Variants in ATOSB observed in about 807,000 individuals in gnomAD.
ATOSB encodes the protein atos homolog protein B.
At chr9:35,108,183 C>A in the ATOSB span, 3 of 1,595,068 alleles carry the variant, frequency 1.9e-6, no homozygotes, top group Non-Finnish European at 2.6e-6. Context: ...CATGAGCAGG[C>A]CACCCTGGAG....
At chr9:35,108,649 C>T in the ATOSB span, 27 of 1,025,702 alleles carry the variant, frequency 2.6e-5, no homozygotes, top group African/African-American at 4.1e-4. Flanking sequence ...ACTGATGCCT[C>T]GTGCCCCTAG....
the ATOSB span, chr9:35,109,292 GT>G: frequency 6.6e-6 from 1 of 152,418 alleles, no homozygotes; most frequent in Non-Finnish European, 1.5e-5. Context: ...CCAGCAGCCT[GT>G]CTCTTTAACA....
At chr9:35,105,001 G>C in the ATOSB span, 1 of 431,000 alleles carries the variant, frequency 2.3e-6, no homozygotes, top group Non-Finnish European at 4.1e-6. This position sits in a 1 kb window ranked among gnomAD's most constrained non-coding sequence, Gnocchi z 5.5. Context: ...AGCTGGCCTG[G>C]GAAACCCAAG....
chr9:35,108,759 T>TA, the ATOSB span: 7 of 925,346 alleles, frequency 7.6e-6, no homozygotes, highest in Non-Finnish European at 9.0e-6. Context: ...AGAACAGACG[T>TA]AAGCCAGGAT....
At chr9:35,105,450 G>C in the ATOSB span, 5 of 1,518,458 alleles carry the variant, frequency 3.3e-6, no homozygotes, top group African/African-American at 5.5e-5. The surrounding 1 kb of genome is among the most constrained non-coding windows in gnomAD (Gnocchi z 5.5). Context: ...CCAGTGCTTT[G>C]GGAGACCCAG....
chr9:35,112,441 C>T, the ATOSB span: 1 of 152,210 alleles, frequency 6.6e-6, no homozygotes, highest in African/African-American at 2.4e-5. Context: ...CCATGACTCA[C>T]AGCTCCCTCA....
the ATOSB span, chr9:35,108,500 A>C: frequency 1.6e-6 from 2 of 1,260,488 alleles, no homozygotes; most frequent in African/African-American, 1.6e-5. Context: ...GACTAATGGA[A>C]TATAGAGACC....
At chr9:35,108,487 A>G in the ATOSB span, 5 of 1,290,936 alleles carry the variant, frequency 3.9e-6, no homozygotes, top group Non-Finnish European at 5.0e-6. Flanking sequence ...AAATCCCTGG[A>G]TGGACTAATG....
the ATOSB span, chr9:35,105,440 C>G: frequency 1.9e-6 from 3 of 1,546,398 alleles, no homozygotes; most frequent in South Asian, 2.4e-5. This position sits in a 1 kb window ranked among gnomAD's most constrained non-coding sequence, Gnocchi z 5.5. Flanking sequence ...GCCTGTAATT[C>G]CAGTGCTTTG....
At chr9:35,108,584 T>C in the ATOSB span, 2 of 1,150,784 alleles carry the variant, frequency 1.7e-6, no homozygotes, top group Non-Finnish European at 2.1e-6. Flanking sequence ...CTCTTCTCCC[T>C]GGTACTTACC....
the ATOSB span, chr9:35,108,197 C>T: frequency 2.6e-5 from 41 of 1,596,576 alleles, no homozygotes; most frequent in Non-Finnish European, 3.2e-5. Flanking sequence ...CCTGGAGGGC[C>T]CCCTGCCTGA....
chr9:35,106,688 G>T, the ATOSB span: 1 of 1,494,444 alleles, frequency 6.7e-7, no homozygotes, highest in Non-Finnish European at 9.1e-7. This position sits in a 1 kb window ranked among gnomAD's most constrained non-coding sequence, Gnocchi z 4.6. Flanking sequence ...GAGGTATTCT[G>T]GGATTCCTGC....
At chr9:35,105,432 C>T in the ATOSB span, 1 of 1,556,204 alleles carries the variant, frequency 6.4e-7, no homozygotes, top group Admixed American at 1.8e-5. This position sits in a 1 kb window ranked among gnomAD's most constrained non-coding sequence, Gnocchi z 5.5. Flanking sequence ...TGGCTCATGC[C>T]TGTAATTCCA....
At chr9:35,107,388 G>C in the ATOSB span, 1 of 1,612,690 alleles carries the variant, frequency 6.2e-7, no homozygotes, top group Non-Finnish European at 8.5e-7. Context: ...TACCAAAACA[G>C]GCTCTTTGGG....
chr9:35,115,052 G>A, the ATOSB span, among the ~76,000 whole-genome samples: 3 of 152,068 alleles, frequency 2.0e-5, no homozygotes, highest in East Asian at 1.9e-4. Context: ...GGGCGGGGGA[G>A]GGGGGAGACA....
the ATOSB span, chr9:35,108,266 G>A: frequency 2.6e-6 from 4 of 1,549,118 alleles, no homozygotes; most frequent in Non-Finnish European, 3.5e-6. Flanking sequence ...CCGCCTGCAC[G>A]TGGCGCATGA....
the ATOSB span, chr9:35,109,388 GC>G: frequency 6.6e-6 from 1 of 152,342 alleles, no homozygotes; most frequent in South Asian, 2.1e-4. Context: ...CTCCCGCAAG[GC>G]CCTGCAAACT....
the ATOSB span, among the ~76,000 whole-genome samples, chr9:35,112,628 G>T: frequency 3.9e-5 from 6 of 152,256 alleles, no homozygotes; most frequent in Non-Finnish European, 2.9e-5. Context: ...TACTCTAGAG[G>T]TAAACTAAGA....
At chr9:35,113,317 C>A in the ATOSB span, among the ~76,000 whole-genome samples, 2 of 152,160 alleles carry the variant, frequency 1.3e-5, no homozygotes, top group African/African-American at 2.4e-5. Flanking sequence ...CCTGGGAAAG[C>A]AGCAGGGTAC....
Sources: allele counts gnomAD v4.1 joint callset (sites outside exome capture counted in the v4.1 genomes callset), GRCh38; gene constraint gnomAD v4.1.1; non-coding constraint Gnocchi (gnomAD v3.1); transcripts MANE v1.5; gene names NCBI Gene and HGNC (gene_info 2026-07-23, HGNC 2026-07-21).